Variants in RBFOX1 observed in about 807,000 individuals in gnomAD.
The protein encoded by RBFOX1 is RNA binding protein fox-1 homolog 1.
Under a neutral mutation model 57.7 loss-of-function variants are expected in RBFOX1, and 8 were observed. That is an observed-to-expected ratio of 0.14 (90% CI 0.08 to 0.25). RBFOX1 has a LOEUF of 0.25. Among genes scored for constraint, RBFOX1 ranks in the 10% least tolerant of loss-of-function variants. The pLI is 1.00. For missense variants in RBFOX1, 611 were observed against 548.5 expected (o/e 1.11, Z -1.14); for synonymous variants, 326 against 222.4 (o/e 1.47, Z -4.15).
chr16:5,833,449 C>G (rs907254033), intron 3 of RBFOX1, among the ~76,000 whole-genome samples: 3 of 148,974 alleles, frequency 2.0e-5, no homozygotes, highest in African/African-American at 7.5e-5. Context: ...GAGCCAAGAC[C>G]GCACCACTGC....
intron 4 of RBFOX1, among the ~76,000 whole-genome samples, chr16:7,440,282 A>C (rs1018774377): frequency 1.3e-5 from 2 of 152,204 alleles, no homozygotes; most frequent in Non-Finnish European, 2.9e-5. Flanking sequence ...TATCCCAGCC[A>C]CAGCATATTA....
chr16:7,164,440 C>CT, intron 4 of RBFOX1, among the ~76,000 whole-genome samples: 1 of 152,272 alleles, frequency 6.6e-6, no homozygotes, highest in South Asian at 2.1e-4. Context: ...CTACAAGTGT[C>CT]TTTTTTGTAT....
chr16:6,281,496 C>A (rs922522376), intron 1 of RBFOX1, among the ~76,000 whole-genome samples: 3 of 151,960 alleles, frequency 2.0e-5, no homozygotes, highest in Non-Finnish European at 2.9e-5. Flanking sequence ...CAGCTTCCAC[C>A]GAGGGTGTGG....
chr16:6,402,016 C>A (rs2093090966), intron 2 of RBFOX1, among the ~76,000 whole-genome samples: 1 of 151,634 alleles, frequency 6.6e-6, no homozygotes. Flanking sequence ...TCCTCTGGCC[C>A]CAACCGTGAT....
At chr16:6,345,097 A>T (rs73539417) in intron 2 of RBFOX1, among the ~76,000 whole-genome samples, 1,942 of 152,292 alleles carry the variant, frequency 0.013, 33 homozygotes, top group African/African-American at 0.043. Flanking sequence ...GATTCTTGTG[A>T]AGCAAAGCAT....
At chr16:6,427,775 T>A (rs983425423) in intron 2 of RBFOX1, among the ~76,000 whole-genome samples, 1 of 152,212 alleles carries the variant, frequency 6.6e-6, no homozygotes, top group African/African-American at 2.4e-5. Context: ...GGTAGGATGA[T>A]ACTATAAAGA....
intron 3 of RBFOX1, among the ~76,000 whole-genome samples, chr16:6,992,407 G>A (rs1457379400): frequency 3.3e-5 from 5 of 151,942 alleles, no homozygotes; most frequent in African/African-American, 2.4e-5. Flanking sequence ...TAGTAGAGAC[G>A]GGGTTTCACC....
At chr16:6,340,805 C>A (rs964317227) in intron 2 of RBFOX1, among the ~76,000 whole-genome samples, 4 of 152,100 alleles carry the variant, frequency 2.6e-5, no homozygotes, top group African/African-American at 9.7e-5. Flanking sequence ...TAGGTCTTAG[C>A]CTCCTTTTAC....
chr16:5,920,495 A>G (rs35527309), intron 4 of RBFOX1, among the ~76,000 whole-genome samples: 47,895 of 151,938 alleles, frequency 0.32, 8,209 homozygotes, highest in South Asian at 0.49. Context: ...TTATATGGCA[A>G]TTCGTTAACT....
chr16:7,270,870 A>G (rs1244256235), intron 4 of RBFOX1, among the ~76,000 whole-genome samples: 1 of 152,178 alleles, frequency 6.6e-6, no homozygotes, highest in Admixed American at 6.5e-5. Flanking sequence ...TAAGAATATT[A>G]TATTTTAATG....
chr16:7,004,735 A>G (rs957286677), intron 3 of RBFOX1, among the ~76,000 whole-genome samples: 28 of 152,270 alleles, frequency 1.8e-4, no homozygotes, highest in African/African-American at 6.5e-4. Flanking sequence ...TATTCAAGAA[A>G]GGAGAAGTAG....
At chr16:6,459,290 GGC>G (rs1374775956) in intron 2 of RBFOX1, among the ~76,000 whole-genome samples, 1 of 152,046 alleles carries the variant, frequency 6.6e-6, no homozygotes, top group Non-Finnish European at 1.5e-5. Context: ...GAGCCGAGAT[GGC>G]GCCACTGCAC....
intron 2 of RBFOX1, among the ~76,000 whole-genome samples, chr16:5,477,025 A>AT (rs1273662124): frequency 6.6e-6 from 1 of 152,040 alleles, no homozygotes; most frequent in Non-Finnish European, 1.5e-5. Context: ...TTATTTATTT[A>AT]TTTTTTTGAG....
At chr16:6,234,314 C>G (rs1020440919) in intron 1 of RBFOX1, among the ~76,000 whole-genome samples, 10 of 152,206 alleles carry the variant, frequency 6.6e-5, no homozygotes, top group Non-Finnish European at 1.3e-4. Context: ...AAGTATCTCT[C>G]CTTTTTGGCA....
intron 1 of RBFOX1, among the ~76,000 whole-genome samples, chr16:5,444,838 G>C (rs944093147): frequency 2.0e-5 from 3 of 152,184 alleles, no homozygotes; most frequent in African/African-American, 7.2e-5. Flanking sequence ...CATTCTTATA[G>C]GTCCAGGATA....
At chr16:6,954,295 G>T (rs1317030647) in intron 3 of RBFOX1, among the ~76,000 whole-genome samples, 1 of 152,142 alleles carries the variant, frequency 6.6e-6, no homozygotes, top group African/African-American at 2.4e-5. Context: ...AATTTTGACA[G>T]TGAGACTTGC....
At chr16:6,523,450 A>T (rs1037995287) in intron 2 of RBFOX1, among the ~76,000 whole-genome samples, 1 of 152,168 alleles carries the variant, frequency 6.6e-6, no homozygotes, top group South Asian at 2.1e-4. Context: ...ATTTTGTCCA[A>T]TGCAGTGAAG....
intron 1 of RBFOX1, among the ~76,000 whole-genome samples, chr16:5,251,764 G>T (rs2062458879): frequency 5.2e-3 from 1 of 192 alleles, no homozygotes; most frequent in Non-Finnish European, 0.056. Context: ...TGATGGTTGT[G>T]TAGCTGCAAC....
At chr16:7,028,239 C>T (rs2041566770) in intron 3 of RBFOX1, among the ~76,000 whole-genome samples, 2 of 152,068 alleles carry the variant, frequency 1.3e-5, no homozygotes, top group Admixed American at 6.6e-5. Context: ...CCGTAATAGA[C>T]AGGGCTTGCT....
Sources: allele counts gnomAD v4.1 joint callset (sites outside exome capture counted in the v4.1 genomes callset), GRCh38; gene constraint gnomAD v4.1.1; transcripts MANE v1.5; gene names NCBI Gene and HGNC (gene_info 2026-07-23, HGNC 2026-07-21).